HPRT1: variants seen among roughly 807,000 people sequenced by gnomAD.
HPRT1 encodes the protein hypoxanthine phosphoribosyltransferase 1.
Under a neutral mutation model 19.0 loss-of-function variants are expected in HPRT1, and 4 were observed. That is an observed-to-expected ratio of 0.21 (90% CI 0.10 to 0.48). The LOEUF (loss-of-function observed/expected upper bound fraction) is 0.48. Ranked by LOEUF, HPRT1 falls within the 20% of genes least tolerant of loss-of-function variation. The pLI is 0.98. For synonymous variants in HPRT1, 53 were observed against 54.9 expected, an observed-to-expected ratio of 0.97 and a Z score of 0.15; for missense variants, 65 against 164.0, an observed-to-expected ratio of 0.40 and a Z score of 3.30.
At chrX:134,484,050 A>T (rs2077646478) in intron 3 of HPRT1, among the ~76,000 whole-genome samples, 1 of 111,694 alleles carries the variant, frequency 9.0e-6, no homozygotes, top group Admixed American at 9.5e-5. Context: ...GGAGGTTTGG[A>T]TGCTAATAGA....
At chrX:134,488,717 A>G (rs1472531574) in intron 4 of HPRT1, among the ~76,000 whole-genome samples, 1 of 111,331 alleles carries the variant, frequency 9.0e-6, no homozygotes, top group Non-Finnish European at 1.9e-5. Context: ...TCGTTGTACC[A>G]TGCTGGGATT....
Position 134,499,702 on chromosome X carries a change from G to A in HPRT1, c.610-328G>A, listed in dbSNP as rs2077690513. On this transcript the variant is annotated intron_variant, in intron 8 of 8. Coordinates refer to ENST00000298556, the MANE Select transcript of HPRT1 (RefSeq NM_000194.3). ...GCCTATAGTCTCAGCTACTCGGGAG[G>A]CTGAGGCAGGAGAATGGCGTGAACC... 3.7e-5 allele frequency among the ~76,000 whole-genome samples: 4 copies of A among 108,652 alleles called. No homozygotes were observed. In the South Asian group the frequency reaches 1.6e-3, roughly 44 times the overall value. The allele number at this position is 108,652 out of a possible 115,157, so 94.4% of individuals were successfully genotyped here. A position where few individuals can be genotyped will look rare whatever the true frequency, so the allele number is the denominator to read the frequency against.
intron 5 of HPRT1, among the ~76,000 whole-genome samples, chrX:134,492,112 C>T (rs1349433851): frequency 2.0e-5 from 2 of 99,900 alleles, no homozygotes; most frequent in African/African-American, 7.4e-5. Flanking sequence ...GTTGGCCAGG[C>T]TGGTCTGGCC....
intron 1 of HPRT1, among the ~76,000 whole-genome samples, chrX:134,460,733 G>A (rs1302121764): frequency 9.1e-6 from 1 of 110,310 alleles, no homozygotes; most frequent in East Asian, 2.9e-4. Context: ...TTTGGGGTGC[G>A]ATGGTGAGGT....
At position 134,460,277 on chromosome X, in the gene HPRT1, C is replaced by T. The variant is rs745334358; in HGVS notation, c.-35C>T. 2.7e-6 allele frequency: 3 copies of T among 1,123,787 alleles called. No homozygotes were observed. The highest frequency in any genetic ancestry group is 3.6e-5 in the East Asian group (1 of 28,099). 92.6% of individuals were successfully genotyped at this position (1,123,787 alleles called of 1,213,427 possible). A position where few individuals can be genotyped will look rare whatever the true frequency, so the allele number is the denominator to read the frequency against. On this transcript the variant is annotated 5_prime_UTR_variant, in exon 1 of 9. Transcript: ENST00000298556. ...CTGCTCCGCCACCGGCTTCCTCCTC[C>T]TGAGCAGTCAGCCCGCGCGCCGGCC... is the stretch of plus-strand genomic sequence containing the variant.
intron 3 of HPRT1, among the ~76,000 whole-genome samples, chrX:134,481,509 AT>A (rs1349886715): frequency 5.3e-4 from 20 of 37,930 alleles, no homozygotes; most frequent in African/African-American, 1.8e-3. Flanking sequence ...GTCTATCTCT[AT>A]CTATCTATCT....
At chrX:134,482,243 C>T (rs777708110) in intron 3 of HPRT1, among the ~76,000 whole-genome samples, 12 of 110,047 alleles carry the variant, frequency 1.1e-4, no homozygotes, top group Non-Finnish European at 2.3e-4. Context: ...TTTGTAGAGA[C>T]GGGGTTTCAC....
intron 1 of HPRT1, among the ~76,000 whole-genome samples, chrX:134,464,097 C>T (rs1274726343): frequency 9.0e-6 from 1 of 111,421 alleles, no homozygotes; most frequent in Non-Finnish European, 1.9e-5. Flanking sequence ...AAATTCATGT[C>T]CTTACACATG....
At chrX:134,474,790 A>C (rs2077619816) in intron 2 of HPRT1, among the ~76,000 whole-genome samples, 1 of 111,935 alleles carries the variant, frequency 8.9e-6, no homozygotes, top group Admixed American at 9.5e-5. Context: ...AAATTATGAT[A>C]GTGGTATGCT....
At chrX:134,481,909 T>A (rs1280204710) in intron 3 of HPRT1, among the ~76,000 whole-genome samples, 2 of 111,919 alleles carry the variant, frequency 1.8e-5, no homozygotes, top group Non-Finnish European at 3.8e-5. Flanking sequence ...TGAGAAGTGG[T>A]TCTGTTGCAC....
rs745871049 is a variant in HPRT1 at position 134,493,561 on chromosome X, G to A, written c.456G>A (p.Gln152=). Residue 152 remains glutamine (Q), a synonymous_variant, in exon 6 of 9, where the codon CAG becomes CAA. Transcript: ENST00000298556. ...AGACTTTGCTTTCCTTGGTCAGGCA[G>A]TATAATCCAAAGATGGTCAAGGTCG... ...TMQTLLSLVR[Q]YNPKMVKVAS... 2 of 1,203,664 alleles carry A rather than the reference G, an allele frequency of 1.7e-6. No homozygotes were observed. Among genetic ancestry groups the A allele is most frequent in the East Asian group, 5.9e-5 (2 of 33,748 alleles).
At chrX:134,470,971 C>T (rs777886164) in intron 1 of HPRT1, among the ~76,000 whole-genome samples, 47 of 109,087 alleles carry the variant, frequency 4.3e-4, no homozygotes, top group Admixed American at 3.4e-3. Context: ...CAAGACCCCA[C>T]TTCTTACCAT....
At chrX:134,473,095 G>T (rs778829426) in intron 1 of HPRT1, among the ~76,000 whole-genome samples, 2 of 110,451 alleles carry the variant, frequency 1.8e-5, no homozygotes, top group South Asian at 7.8e-4. Context: ...TCACCGTGTT[G>T]CCCAGGCTGG....
rs533359441 is a variant in HPRT1, at chrX:134,499,403, G to A, written c.610-627G>A. ...TGAGGCAGGAGAATCACTGGAACCC[G>A]GGAGGCAGAGGCTACAGTGAGCCAA... On this transcript the variant is annotated intron_variant, in intron 8 of 8. Transcript: ENST00000298556. Among the ~76,000 whole-genome samples, 6 of 111,319 alleles carry A rather than the reference G, an allele frequency of 5.4e-5. No individual in the cohort carries two copies. The South Asian group carries it at 1.9e-3, about 35-fold the overall frequency.
intron 5 of HPRT1, among the ~76,000 whole-genome samples, chrX:134,490,432 C>G (rs2077663285): frequency 9.4e-6 from 1 of 106,376 alleles, no homozygotes; most frequent in Admixed American, 1.0e-4. Context: ...GAAGTATTTT[C>G]TTTCTAAACA....
intron 5 of HPRT1, among the ~76,000 whole-genome samples, chrX:134,491,970 T>C (rs12836918): frequency 2.0e-5 from 2 of 100,035 alleles, no homozygotes; most frequent in African/African-American, 7.4e-5. Flanking sequence ...TACACACACA[T>C]ATATAAATAT....
intron 1 of HPRT1, among the ~76,000 whole-genome samples, chrX:134,471,005 C>T (rs1174870293): frequency 9.2e-6 from 1 of 109,253 alleles, no homozygotes; most frequent in East Asian, 2.8e-4. Context: ...TCTCTATACC[C>T]ACCCACCCTT....
At chrX:134,463,944 A>G (rs890387317) in intron 1 of HPRT1, among the ~76,000 whole-genome samples, 2 of 112,278 alleles carry the variant, frequency 1.8e-5, no homozygotes, top group Admixed American at 9.5e-5. Context: ...TAGTTCGATC[A>G]CATACTTCAA....
At chrX:134,491,650 G>A (rs1352855978) in intron 5 of HPRT1, among the ~76,000 whole-genome samples, 1 of 110,126 alleles carries the variant, frequency 9.1e-6, no homozygotes, top group Non-Finnish European at 1.9e-5. Context: ...AGTCATTTAA[G>A]ACCCAGCTCA....
Sources: gnomAD v4.1 joint callset for allele counts (sites outside exome capture counted in the v4.1 genomes callset) on GRCh38, gnomAD v4.1.1 for gene constraint, MANE v1.5 for transcripts, NCBI Gene and HGNC (gene_info 2026-07-23, HGNC 2026-07-21) for gene names.